The following SAMMSON variants were observed in gnomAD, a reference collection of about 807,000 sequenced individuals.
SAMMSON encodes long intergenic non-protein coding RNA 1212.
At chr3:70,069,469 A>C (rs1396368744) in intron 3 of SAMMSON, 1 of 152,126 alleles carries the variant, frequency 6.6e-6, no homozygotes, top group African/African-American at 2.4e-5. Context: ...CTCATGAAAC[A>C]GTCCAGTGCT....
intron 2 of SAMMSON, among the ~76,000 whole-genome samples, chr3:70,396,014 A>G (rs952111458): frequency 1.3e-5 from 2 of 152,196 alleles, no homozygotes; most frequent in Non-Finnish European, 2.9e-5. Flanking sequence ...CCAGCTTACA[A>G]GGCATCTAGC....
At chr3:70,254,839 T>A (rs2106655404) in intron 6 of SAMMSON, among the ~76,000 whole-genome samples, 1 of 152,354 alleles carries the variant, frequency 6.6e-6, no homozygotes, top group East Asian at 1.9e-4. Context: ...TCTTTATTTA[T>A]GCATCCCTTA....
intron 6 of SAMMSON, chr3:70,283,638 G>A (rs2049223): frequency 0.34 from 51,594 of 151,672 alleles, 9,439 homozygotes; most frequent in East Asian, 0.71. Flanking sequence ...AGGGATTCAT[G>A]CTGGGGTCAG....
At chr3:70,284,460 A>T in intron 6 of SAMMSON, among the ~76,000 whole-genome samples, 1 of 152,048 alleles carries the variant, frequency 6.6e-6, no homozygotes, top group East Asian at 1.9e-4. Flanking sequence ...AGAGATTGGA[A>T]CCCATTTACT....
intron 3 of SAMMSON, among the ~76,000 whole-genome samples, chr3:70,063,366 C>T (rs2067197589): frequency 1.3e-5 from 2 of 152,070 alleles, no homozygotes; most frequent in African/African-American, 4.8e-5. Context: ...TCCTGTGATG[C>T]CTTCTGAACC....
At chr3:70,188,850 G>A (rs112783947) in intron 4 of SAMMSON, among the ~76,000 whole-genome samples, 73 of 152,294 alleles carry the variant, frequency 4.8e-4, no homozygotes, top group Admixed American at 5.9e-4. Context: ...TGGTGGTGAC[G>A]ACTAGAACCA....
At chr3:70,382,476 G>A (rs1261681466) in intron 9 of SAMMSON, among the ~76,000 whole-genome samples, 2 of 152,112 alleles carry the variant, frequency 1.3e-5, no homozygotes, top group East Asian at 3.8e-4. Context: ...GCTGGCAGCT[G>A]CTACTGGCAT....
intron 3 of SAMMSON, among the ~76,000 whole-genome samples, chr3:70,047,372 A>T (rs551941369): frequency 4.0e-5 from 6 of 149,166 alleles, no homozygotes; most frequent in Admixed American, 6.7e-5. Context: ...TCTATCACCC[A>T]GGCTCCCAGG....
At position 70,366,001 on chromosome 3, in the gene SAMMSON, T is replaced by TTTTTTC. The variant is rs1362861416; in HGVS notation, n.913+7677_913+7678insTTTTTC. ...TTTTTTTTTTTTTTTTTTTTTTTTT[T>TTTTTTC]GAGACGGAGTCTCGCTCTGTCGCCC... On this transcript the variant is annotated intron_variant and non_coding_transcript_variant, in intron 9 of 9. Transcript: ENST00000642114. Among the ~76,000 whole-genome samples, 60 of 21,794 alleles carry TTTTTTC rather than the reference T, an allele frequency of 2.8e-3. 6 individuals are homozygous for TTTTTTC. Among genetic ancestry groups the TTTTTTC allele is most frequent in the African/African-American group, 6.4e-3 (38 of 5,946 alleles). 14.3% of individuals were successfully genotyped at this position (21,794 alleles called of 152,430 possible). A position where few individuals can be genotyped will look rare whatever the true frequency, so the allele number is the denominator to read the frequency against.
chr3:70,092,902 G>GT (rs5849939), intron 4 of SAMMSON, among the ~76,000 whole-genome samples: 96,735 of 138,066 alleles, frequency 0.7, 33,493 homozygotes, highest in Non-Finnish European at 0.74. Flanking sequence ...TAGTGTTTTT[G>GT]TTTTTTTTTT....
intron 9 of SAMMSON, among the ~76,000 whole-genome samples, chr3:70,385,289 G>A (rs908822238): frequency 6.6e-6 from 1 of 152,182 alleles, no homozygotes; most frequent in Middle Eastern, 3.4e-3. Flanking sequence ...GGTCCACCAT[G>A]TAAGAGGTAC....
At chr3:70,389,098 C>G (rs1287296928) in intron 9 of SAMMSON, among the ~76,000 whole-genome samples, 2 of 152,076 alleles carry the variant, frequency 1.3e-5, no homozygotes, top group African/African-American at 4.8e-5. Flanking sequence ...TACCCATTCC[C>G]TTTCTGTTTC....
At chr3:70,307,374 G>A (rs1271083063) in intron 7 of SAMMSON, among the ~76,000 whole-genome samples, 1 of 152,036 alleles carries the variant, frequency 6.6e-6, no homozygotes, top group Admixed American at 6.6e-5. Flanking sequence ...ACAATTTAAG[G>A]GCTTCCATCC....
chr3:70,082,774 T>C (rs2067271584), intron 4 of SAMMSON, among the ~76,000 whole-genome samples: 1 of 152,132 alleles, frequency 6.6e-6, no homozygotes, highest in Admixed American at 6.5e-5. Flanking sequence ...TAACAATTAC[T>C]CTCCCAATGG....
chr3:70,382,335 C>T (rs1703076521), intron 9 of SAMMSON, among the ~76,000 whole-genome samples: 1 of 152,104 alleles, frequency 6.6e-6, no homozygotes, highest in Non-Finnish European at 1.5e-5. Context: ...TCCACCCAAA[C>T]ATATATCCCC....
At position 70,388,401 on chromosome 3, in the gene SAMMSON, T is replaced by TA. The variant is rs1335268802; in HGVS notation, n.914-1165dup. On this transcript the variant is annotated intron_variant and non_coding_transcript_variant, in intron 9 of 9. Coordinates refer to ENST00000642114, the Ensembl canonical transcript of SAMMSON. ...ACAAAAAAGTTTTCCAACCCTTCTC[T>TA]AAAAAAAACAGTTGTTTGTATGTTT... 2.0e-4 allele frequency among the ~76,000 whole-genome samples: 30 copies of TA among 152,032 alleles called. No individual in the cohort carries two copies. The East Asian group carries it at 5.2e-3, about 26-fold the overall frequency.
chr3:70,335,760 A>G (rs929514867), intron 7 of SAMMSON, among the ~76,000 whole-genome samples: 2 of 152,034 alleles, frequency 1.3e-5, no homozygotes, highest in African/African-American at 4.8e-5. Context: ...TTATTATGGC[A>G]TTGACAAAGG....
At chr3:70,216,410 C>A (rs1701412860) in intron 4 of SAMMSON, among the ~76,000 whole-genome samples, 4 of 151,822 alleles carry the variant, frequency 2.6e-5, no homozygotes, top group Admixed American at 2.0e-4. Flanking sequence ...ATACTCCCAG[C>A]AACCCTATGT....
chr3:70,073,546 A>G (rs1315396953), intron 4 of SAMMSON, among the ~76,000 whole-genome samples: 2 of 151,974 alleles, frequency 1.3e-5, no homozygotes, highest in Non-Finnish European at 1.5e-5. Flanking sequence ...AGGAACACCC[A>G]GAAAACTAAG....
Sources: gnomAD v4.1 joint callset for allele counts (sites outside exome capture counted in the v4.1 genomes callset) on GRCh38, gnomAD v4.1.1 for gene constraint, MANE v1.5 for transcripts, NCBI Gene and HGNC (gene_info 2026-07-23, HGNC 2026-07-21) for gene names.